The following CYLC1 variants were observed in gnomAD, a reference collection of about 807,000 sequenced individuals.
CYLC1 encodes the protein cylicin-1.
CYLC1 carries 2 observed loss-of-function variants against 31.6 expected under a neutral mutation model. The ratio of observed to expected loss-of-function variants is 0.06; its 90% CI spans 0.03 to 0.20. The LOEUF is 0.20. Among genes scored for constraint, CYLC1 ranks in the 10% least tolerant of loss-of-function variants. The probability of loss-of-function intolerance (pLI) is 1.00; values close to 1 mark genes in which losing one functional copy is unlikely to be tolerated. For missense variants in CYLC1, 595 were observed against 424.1 expected, an observed-to-expected ratio of 1.40 and a Z score of -3.54; for synonymous variants, 185 against 153.0, an observed-to-expected ratio of 1.21 and a Z score of -1.54.
chrX:83,882,707 T>A (rs1305191596), intron 4 of CYLC1, among the ~76,000 whole-genome samples: 1 of 110,952 alleles, frequency 9.0e-6, no homozygotes. Flanking sequence ...AACTCTTCTC[T>A]ATATACTCTG....
chrX:83,874,310 A>G lies in CYLC1; in HGVS notation c.1602A>G (p.Thr534=), dbSNP rs1222720177. 6 of 1,207,819 alleles carry G rather than the reference A, an allele frequency of 5.0e-6. No homozygotes were observed. Among genetic ancestry groups the G allele is most frequent in the Middle Eastern group, 2.3e-4 (1 of 4,355 alleles). Residue 534 remains threonine, a synonymous_variant, in exon 4 of 5, where the codon ACA becomes ACG. Coordinates refer to ENST00000329312, the MANE Select transcript of CYLC1 (RefSeq NM_021118.3). ...FDESSKTGFK[T]STKIKGSDTE... The stretch of plus-strand genomic sequence containing the variant: ...AATCTTCCAAGACAGGCTTTAAAAC[A>G]TCTACAAAAATCAAAGGTTCAGATA...
At chrX:83,875,573 C>G (rs1297283513) in intron 4 of CYLC1, among the ~76,000 whole-genome samples, 3 of 111,448 alleles carry the variant, frequency 2.7e-5, no homozygotes, top group Admixed American at 9.6e-5. Context: ...GTTTTTAAAA[C>G]CATCAGATCT....
At chrX:83,862,292 G>C (rs1364749131) in intron 1 of CYLC1, among the ~76,000 whole-genome samples, 2 of 109,481 alleles carry the variant, frequency 1.8e-5, no homozygotes, top group Non-Finnish European at 3.8e-5. Context: ...AGCACTTTGG[G>C]AGGCCGAGGC....
chrX:83,882,159 G>T (rs775429566), intron 4 of CYLC1, among the ~76,000 whole-genome samples: 1 of 110,549 alleles, frequency 9.0e-6, no homozygotes, highest in Non-Finnish European at 1.9e-5. Context: ...TTCCTCTGCT[G>T]GTTATTTCCA....
At chrX:83,861,921 G>A (rs1462330306) in intron 1 of CYLC1, among the ~76,000 whole-genome samples, 1 of 110,870 alleles carries the variant, frequency 9.0e-6, no homozygotes, top group Non-Finnish European at 1.9e-5. Flanking sequence ...ATTTCTCATG[G>A]TACAACCTAA....
In CYLC1 at chrX:83,873,524, T is replaced by C. The variant is rs778341754; in HGVS notation, c.816T>C (p.Asn272=). The C allele has an allele frequency of 8.3e-7, 1 of 1,198,140 alleles. No homozygotes were observed. The highest frequency in any genetic ancestry group is 1.8e-5 in the South Asian group (1 of 55,308). ...DAWLRNYSQN[N]SKNYSLKYTK... ...GGTTAAGGAATTACTCACAGAATAA[T>C]TCAAAGAATTATTCTTTGAAGTATA... The change falls in exon 4 of 5, where the codon AAT becomes AAC. Residue 272 remains asparagine, a synonymous_variant. Transcript: ENST00000329312.
Position 83,874,266 on chromosome X carries a change from A to G in CYLC1, c.1558A>G (p.Thr520Ala). The change falls in exon 4 of 5, where the codon ACT becomes GCT. Residue 520 changes from threonine (T) to alanine (A), a missense_variant. Thr to Ala is a moderately conservative substitution (Grantham distance 58). Transcript: ENST00000329312. ...GGATGCAAGAAAGGACACAGAGTCTACTGATGCTGAATTTGATGAATCTTC... is the reference window on the plus strand; with the variant it reads ...GGATGCAAGAAAGGACACAGAGTCTGCTGATGCTGAATTTGATGAATCTTC... ...KKDARKDTESTDAEFDESSKT... is the reference protein window; with the variant it reads ...KKDARKDTESADAEFDESSKT... 8.3e-7 allele frequency: 1 copy of G among 1,209,616 alleles called. No homozygotes were observed. The highest frequency in any genetic ancestry group is 3.0e-5 in the East Asian group (1 of 33,741).
intron 4 of CYLC1, among the ~76,000 whole-genome samples, chrX:83,881,800 G>A (rs1269053131): frequency 2.8e-5 from 3 of 105,329 alleles, no homozygotes; most frequent in Non-Finnish European, 5.8e-5. Flanking sequence ...AGTTTCAAGC[G>A]ATTCTCCTGC....
At chrX:83,867,431 ATTG>A (rs1175895910) in intron 1 of CYLC1, among the ~76,000 whole-genome samples, 8 of 111,802 alleles carry the variant, frequency 7.2e-5, no homozygotes, top group Non-Finnish European at 1.3e-4. Flanking sequence ...TTAATTTTCT[ATTG>A]TTGTTGTGGA....
intron 4 of CYLC1, among the ~76,000 whole-genome samples, chrX:83,878,945 A>T (rs975757808): frequency 2.8e-5 from 3 of 107,719 alleles, no homozygotes; most frequent in African/African-American, 1.0e-4. Context: ...GTAGCACATA[A>T]GCACGTAAGA....
chrX:83,871,389 T>A, intron 2 of CYLC1, 63 bp from the exon 3 acceptor site: 1 of 792,994 alleles, frequency 1.3e-6, no homozygotes, highest in Non-Finnish European at 1.9e-6. Context: ...TACTCAAGAA[T>A]AATTCAGGTC....
intron 1 of CYLC1, among the ~76,000 whole-genome samples, chrX:83,867,620 T>G (rs978389817): frequency 9.0e-6 from 1 of 111,305 alleles, no homozygotes; most frequent in East Asian, 2.8e-4. Context: ...TGCTCATAAT[T>G]TTTGACTAGC....
intron 2 of CYLC1, among the ~76,000 whole-genome samples, chrX:83,870,145 A>G (rs1283809200): frequency 9.0e-6 from 1 of 111,699 alleles, no homozygotes; most frequent in Non-Finnish European, 1.9e-5. Context: ...AGATTTATTT[A>G]GTTTGTTCTC....
chrX:83,877,906 A>G (rs886525512), intron 4 of CYLC1, among the ~76,000 whole-genome samples: 1 of 21,174 alleles, frequency 4.7e-5, no homozygotes, highest in Non-Finnish European at 1.2e-4. Flanking sequence ...ACAAATATAT[A>G]TAAATATATA....
intron 4 of CYLC1, among the ~76,000 whole-genome samples, chrX:83,876,348 G>A (rs1484204483): frequency 1.8e-5 from 2 of 110,414 alleles, no homozygotes; most frequent in Admixed American, 2.0e-4. Context: ...AGAAATAAAA[G>A]TACACTGGGG....
At chrX:83,867,248 A>T (rs1238337640) in intron 1 of CYLC1, among the ~76,000 whole-genome samples, 3 of 111,852 alleles carry the variant, frequency 2.7e-5, no homozygotes. Context: ...GTTCTGACCA[A>T]CAAAGTCTTC....
intron 1 of CYLC1, among the ~76,000 whole-genome samples, chrX:83,862,650 T>C (rs934734045): frequency 1.8e-5 from 2 of 112,677 alleles, no homozygotes; most frequent in African/African-American, 6.4e-5. Context: ...ACAAAGACAT[T>C]TCTAATTTGA....
chrX:83,880,771 A>G (rs1359194381), intron 4 of CYLC1, among the ~76,000 whole-genome samples: 1 of 111,540 alleles, frequency 9.0e-6, no homozygotes, highest in African/African-American at 3.3e-5. Flanking sequence ...AACATCCCTC[A>G]AATAACAATG....
chrX:83,881,211 C>G, intron 4 of CYLC1, among the ~76,000 whole-genome samples: 1 of 110,827 alleles, frequency 9.0e-6, no homozygotes, highest in East Asian at 2.8e-4. Context: ...CAGGTGAAAT[C>G]AGTCAAAACG....
Sources: gnomAD v4.1 joint callset for allele counts (sites outside exome capture counted in the v4.1 genomes callset) on GRCh38, gnomAD v4.1.1 for gene constraint, MANE v1.5 for transcripts, NCBI Gene and HGNC (gene_info 2026-07-23, HGNC 2026-07-21) for gene names.